EVL: variants seen among roughly 807,000 people sequenced by gnomAD.
EVL encodes the protein Enah/Vasp-like.
A neutral mutation model predicts 59.6 loss-of-function variants in EVL; 21 were observed. That is an observed-to-expected ratio of 0.35 (90% CI 0.25 to 0.51). EVL has a LOEUF of 0.51. Ranked by LOEUF, EVL falls within the 20% of genes least tolerant of loss-of-function variation. The probability of loss-of-function intolerance (pLI) is 0.97; values close to 1 mark genes in which losing one functional copy is unlikely to be tolerated. For synonymous variants in EVL, 198 were observed against 203.5 expected (o/e 0.97, Z 0.23); for missense variants, 462 against 546.6 (o/e 0.85, Z 1.54).
At chr14:100,056,486 A>C (rs959210940) in intron 1 of EVL, among the ~76,000 whole-genome samples, 2 of 152,022 alleles carry the variant, frequency 1.3e-5, no homozygotes, top group Admixed American at 1.3e-4. Flanking sequence ...TATTATACCT[A>C]TTGGATTTTT....
Position 100,075,864 on chromosome 14 carries a change from C to T in EVL, c.12-8823C>T, listed in dbSNP as rs151052483. Among the ~76,000 whole-genome samples, 59 of 152,300 alleles carry T rather than the reference C, an allele frequency of 3.9e-4. 1 individual carries two copies. The highest frequency in any genetic ancestry group is 3.4e-3 in the Admixed American group (52 of 15,296). Reference sequence around the variant, plus strand: ...TAGACCATGCTATTTTTATCAGCTCCGGTTTACAGACAATAACTCCTCCTA... The same window carrying T: ...TAGACCATGCTATTTTTATCAGCTCTGGTTTACAGACAATAACTCCTCCTA... On this transcript the variant is annotated intron_variant, in intron 1 of 13. Transcript: ENST00000392920.
chr14:100,131,851 G>T (rs1888455777), intron 7 of EVL, among the ~76,000 whole-genome samples: 1 of 152,196 alleles, frequency 6.6e-6, no homozygotes. Context: ...CTGGGCTGAG[G>T]GACGAGGTGG....
At position 100,114,144 on chromosome 14, in the gene EVL, C is replaced by T. The variant is rs1418164137; in HGVS notation, c.359-9395C>T. ...AGGAGAGGCAGCATTTCATGGAGTC[C>T]AGCAAGGAGCGAAGCGAAGGAGGGC... is the stretch of plus-strand genomic sequence containing the variant. On this transcript the variant is annotated intron_variant, in intron 3 of 13. Transcript: ENST00000392920. The surrounding 1 kb of genome is among the most constrained non-coding windows in gnomAD (Gnocchi z 5.0). 6.9e-6 allele frequency among the ~76,000 whole-genome samples: 1 copy of T among 145,838 alleles called. No individual in the cohort carries two copies. The highest frequency in any genetic ancestry group is 1.5e-5 in the Non-Finnish European group (1 of 66,114).
chr14:100,033,124 G>C (rs752811696), intron 1 of EVL, among the ~76,000 whole-genome samples: 15 of 152,130 alleles, frequency 9.9e-5, no homozygotes, highest in Non-Finnish European at 2.2e-4. Flanking sequence ...AGATCAGCCG[G>C]AAAGACTAAA....
At chr14:100,031,221 G>C (rs113937234) in intron 1 of EVL, among the ~76,000 whole-genome samples, 2,485 of 152,304 alleles carry the variant, frequency 0.016, 73 homozygotes, top group African/African-American at 0.057. Flanking sequence ...AACCTCTTAA[G>C]TCCAAATATG....
intron 1 of EVL, among the ~76,000 whole-genome samples, chr14:100,029,618 A>C (rs1451563850): frequency 1.3e-5 from 2 of 152,160 alleles, no homozygotes; most frequent in Non-Finnish European, 2.9e-5. Context: ...AGGTGGACAC[A>C]GTTTTGCTGT....
At chr14:100,107,482 G>A (rs1595189740) in intron 3 of EVL, 1 of 395,028 alleles carries the variant, frequency 2.5e-6, no homozygotes, top group Non-Finnish European at 4.5e-6. Flanking sequence ...GATGTGTGCA[G>A]GCCACAGGAC....
chr14:100,128,387 C>A, intron 5 of EVL, 132 bp from the exon 6 acceptor site: 1 of 889,532 alleles, frequency 1.1e-6, no homozygotes, highest in Non-Finnish European at 1.9e-6. Flanking sequence ...ATGAAGCAGG[C>A]CTGGAGCTGT....
intron 1 of EVL, among the ~76,000 whole-genome samples, chr14:99,994,339 GTC>G (rs1271629994): frequency 2.0e-5 from 3 of 151,372 alleles, no homozygotes; most frequent in Non-Finnish European, 4.4e-5. Context: ...GTAGCTTTTT[GTC>G]TCTCATTTCT....
rs575162143 is a variant in EVL, at chr14:100,004,622, G to A, written c.5+32565G>A. ...CATTCATGACATGCTTGGACTTCCC[G>A]AATGTCCCTCTTTCTTAAATAACCA... On this transcript the variant is annotated intron_variant, in intron 1 of 13. Coordinates refer to the EVL transcript ENST00000402714. Among the ~76,000 whole-genome samples the A allele has an allele frequency of 3.3e-5, 5 of 151,936 alleles. 1 individual carries two copies. Among genetic ancestry groups the A allele is most frequent in the East Asian group, 1.9e-4 (1 of 5,190 alleles).
In EVL at chr14:100,124,995, C is replaced by T. The variant is rs74970256; in HGVS notation, c.422+1393C>T. On this transcript the variant is annotated intron_variant, in intron 4 of 13. Transcript: ENST00000392920. The stretch of plus-strand genomic sequence containing the variant: ...ACACACCTGCTGCAAGACGAGACCA[C>T]ACACATGCGCACACACACACACCTG... Among the ~76,000 whole-genome samples, 2,213 of 152,106 alleles carry T rather than the reference C, an allele frequency of 0.015. 104 individuals carry two copies. In the East Asian group the frequency reaches 0.18, roughly 13 times the overall value.
intron 1 of EVL, among the ~76,000 whole-genome samples, chr14:100,001,106 C>T (rs1265984927): frequency 6.6e-6 from 1 of 152,058 alleles, no homozygotes; most frequent in African/African-American, 2.4e-5. Flanking sequence ...TGATAGAGGC[C>T]ACGTTACTCT....
At chr14:100,007,832 AGAAAAGCACGGAC>A (rs2060993153) in intron 1 of EVL, among the ~76,000 whole-genome samples, 1 of 152,218 alleles carries the variant, frequency 6.6e-6, no homozygotes. Flanking sequence ...AGAGAAAGAA[AGAAAAGCACGGAC>A]AGCTTTCCTG....
chr14:100,012,553 A>G (rs1049375920), intron 1 of EVL, among the ~76,000 whole-genome samples: 1 of 152,228 alleles, frequency 6.6e-6, no homozygotes, highest in Non-Finnish European at 1.5e-5. Flanking sequence ...TGTACTGGAA[A>G]GAGGACTGCT....
intron 1 of EVL, among the ~76,000 whole-genome samples, chr14:100,041,801 G>A (rs1269687554): frequency 6.6e-6 from 1 of 152,144 alleles, no homozygotes; most frequent in Non-Finnish European, 1.5e-5. Flanking sequence ...TTGGTGAACT[G>A]TTTTTTATTT....
chr14:100,074,243 G>C (rs568007046), intron 1 of EVL, among the ~76,000 whole-genome samples: 5 of 152,248 alleles, frequency 3.3e-5, no homozygotes, highest in African/African-American at 7.2e-5. Context: ...TGTTTTTCTC[G>C]TTAGAAGTTA....
intron 3 of EVL, among the ~76,000 whole-genome samples, chr14:100,105,739 G>A (rs1423294573): frequency 6.6e-6 from 1 of 152,050 alleles, no homozygotes; most frequent in Admixed American, 6.6e-5. Context: ...GACGATGGCT[G>A]TAGAAGTATT....
At chr14:99,979,168 A>G (rs2060790130) in intron 1 of EVL, among the ~76,000 whole-genome samples, 1 of 152,094 alleles carries the variant, frequency 6.6e-6, no homozygotes, top group Non-Finnish European at 1.5e-5. Flanking sequence ...CTCACCGCCC[A>G]TACACAAATA....
chr14:100,036,484 C>T (rs2061390349), intron 1 of EVL, among the ~76,000 whole-genome samples: 1 of 152,140 alleles, frequency 6.6e-6, no homozygotes, highest in South Asian at 2.1e-4. Context: ...GACAAGAGAG[C>T]AAGTTCTCAT....
Sources: gnomAD v4.1 joint callset for allele counts (sites outside exome capture counted in the v4.1 genomes callset) on GRCh38, gnomAD v4.1.1 for gene constraint, Gnocchi (gnomAD v3.1) non-coding constraint, MANE v1.5 for transcripts, NCBI Gene and HGNC (gene_info 2026-07-23, HGNC 2026-07-21) for gene names.